IGF1R: variants seen among roughly 807,000 people sequenced by gnomAD.
The protein encoded by IGF1R is insulin-like growth factor 1 receptor.
Under a neutral mutation model 144.6 loss-of-function variants are expected in IGF1R, and 44 were observed. The observed-to-expected ratio is 0.30, with a 90% CI of 0.24 to 0.39. The LOEUF (loss-of-function observed/expected upper bound fraction) is 0.39. Among genes scored for constraint, IGF1R ranks in the 10% least tolerant of loss-of-function variants. IGF1R has a pLI of 1.00. For missense variants in IGF1R, 1,355 were observed against 1,833.7 expected (o/e 0.74, Z 4.77); for synonymous variants, 795 against 722.8 (o/e 1.10, Z -1.60).
At chr15:98,878,694 A>C (rs1298794892) in intron 2 of IGF1R, among the ~76,000 whole-genome samples, 4 of 116,936 alleles carry the variant, frequency 3.4e-5, no homozygotes, top group African/African-American at 1.1e-4. Flanking sequence ...AAAAAAAAAA[A>C]ACAACAACAA....
rs946271839 is a variant in IGF1R, at chr15:98,913,274, A to G, written c.1820A>G (p.Asn607Ser). The G allele has an allele frequency of 1.2e-5, 20 of 1,613,072 alleles. No individual in the cohort carries two copies. Among genetic ancestry groups the G allele is most frequent in the East Asian group, 4.5e-5 (2 of 44,886 alleles). ...AKSEILYIRT[N>S]ASVPSIPLDV... Reference sequence around the variant, plus strand: ...AGTGAGATCTTGTACATTCGCACCAATGCTTCAGGTATCCATGCCTAGACA... The same window carrying G: ...AGTGAGATCTTGTACATTCGCACCAGTGCTTCAGGTATCCATGCCTAGACA... The change falls in exon 8 of 21, where the codon AAT (asparagine) becomes AGT (serine). Residue 607 changes from asparagine (N) to serine (S), a missense_variant. By Grantham distance (46) the Asn-to-Ser change is conservative. Around this residue, in one of 7 missense-constraint regions of IGF1R, gnomAD observed 880 missense variants for 1,202.7 expected, o/e 0.73. Coordinates refer to ENST00000650285, the MANE Select transcript of IGF1R (RefSeq NM_000875.5).
chr15:98,751,952 C>G (rs565821931), intron 2 of IGF1R, among the ~76,000 whole-genome samples: 13 of 152,178 alleles, frequency 8.5e-5, no homozygotes, highest in Non-Finnish European at 1.2e-4. Context: ...ATAATACAGA[C>G]TCTTCACTGT....
chr15:98,749,783 G>A (rs1476549029), intron 2 of IGF1R, among the ~76,000 whole-genome samples: 3 of 152,162 alleles, frequency 2.0e-5, no homozygotes, highest in Non-Finnish European at 4.4e-5. Context: ...TGACAGCATG[G>A]TGGGACACTT....
At chr15:98,883,127 A>G (rs2013462462) in intron 2 of IGF1R, among the ~76,000 whole-genome samples, 1 of 152,204 alleles carries the variant, frequency 6.6e-6, no homozygotes, top group African/African-American at 2.4e-5. Flanking sequence ...TCTTTTTGGC[A>G]TTGAGAAATG....
intron 1 of IGF1R, among the ~76,000 whole-genome samples, chr15:98,686,936 C>G (rs1349831309): frequency 2.0e-5 from 3 of 152,110 alleles, no homozygotes; most frequent in African/African-American, 7.2e-5. Context: ...TCCCAAAGTG[C>G]TGGGATTATA....
intron 14 of IGF1R, 105 bp downstream of exon 14, chr15:98,929,765 G>C (rs753014671): frequency 1.2e-6 from 1 of 835,574 alleles, no homozygotes; most frequent in Non-Finnish European, 2.1e-6. Context: ...ATATTTTATG[G>C]ACTGGAAAAC....
chr15:98,650,260 C>T (rs1432284342), intron 1 of IGF1R, among the ~76,000 whole-genome samples: 2 of 152,222 alleles, frequency 1.3e-5, no homozygotes, highest in African/African-American at 4.8e-5. Flanking sequence ...CCGTCGCTGC[C>T]TCCCGTCGCC....
At chr15:98,698,026 C>T (rs1339070554) in intron 1 of IGF1R, among the ~76,000 whole-genome samples, 4 of 144,384 alleles carry the variant, frequency 2.8e-5, no homozygotes, top group African/African-American at 1.0e-4. Flanking sequence ...TGAGCCGCCG[C>T]GCCTGGCCTT....
At chr15:98,828,251 G>A (rs748149730) in intron 2 of IGF1R, among the ~76,000 whole-genome samples, 5 of 152,122 alleles carry the variant, frequency 3.3e-5, no homozygotes, top group East Asian at 1.9e-4. Flanking sequence ...CAGTCAGACC[G>A]TCAGCTTCAG....
Position 98,859,742 on chromosome 15 carries a change from AGTTAT to A in IGF1R, c.641-31582_641-31578del, listed in dbSNP as rs2012041950. Among the ~76,000 whole-genome samples the A allele has an allele frequency of 4.6e-5, 7 of 152,354 alleles. No homozygotes were observed. The South Asian group carries it at 1.4e-3, about 32-fold the overall frequency. ...CATGATTAACTGTATAGATTGATTT[AGTTAT>A]AAGATGTCCTAGCCTAAATATAAGA... On this transcript the variant is annotated intron_variant, in intron 2 of 20. Coordinates refer to ENST00000650285, the MANE Select transcript of IGF1R (RefSeq NM_000875.5).
At chr15:98,793,865 G>T in intron 2 of IGF1R, among the ~76,000 whole-genome samples, 1 of 152,130 alleles carries the variant, frequency 6.6e-6, no homozygotes, top group East Asian at 1.9e-4. Context: ...CTTAAAGGTG[G>T]GGTATTCTGA....
intron 2 of IGF1R, among the ~76,000 whole-genome samples, chr15:98,742,091 A>G (rs998929801): frequency 8.5e-5 from 13 of 152,184 alleles, no homozygotes; most frequent in African/African-American, 9.6e-5. Context: ...AGCCAAGGCT[A>G]TTAGTGTTTT....
rs371804379 is a variant in IGF1R at position 98,923,728 on chromosome 15, C to T, written c.2486-148C>T. On this transcript the variant is annotated intron_variant, in intron 11 of 20. Transcript: ENST00000650285. ...TGGCTGATCTCCACTGTCCTGCCCG[C>T]GTGGATGGGGGCGTTATTCTCAGTG... The T allele has an allele frequency of 1.2e-4, 82 of 692,990 alleles. No individual in the cohort carries two copies. The East Asian group carries it at 1.8e-3, about 15-fold the overall frequency. 42.9% of individuals were successfully genotyped at this position (692,990 alleles called of 1,614,324 possible).
chr15:98,684,960 T>G (rs1464080512), intron 1 of IGF1R, among the ~76,000 whole-genome samples: 2 of 144,740 alleles, frequency 1.4e-5, no homozygotes, highest in Non-Finnish European at 3.0e-5. Context: ...TTTAAATTTT[T>G]GAGATAGTGT....
chr15:98,896,096 A>G (rs1387624896), intron 3 of IGF1R, among the ~76,000 whole-genome samples: 1 of 152,218 alleles, frequency 6.6e-6, no homozygotes, highest in African/African-American at 2.4e-5. Flanking sequence ...TTACAAAGTA[A>G]TGGAAACCCC....
chr15:98,920,301 C>G (rs7182342), intron 10 of IGF1R, among the ~76,000 whole-genome samples: 25,761 of 152,152 alleles, frequency 0.17, 2,368 homozygotes, highest in East Asian at 0.32. Context: ...TGTCACCTCC[C>G]TCCCCTTGTC....
At chr15:98,715,573 A>G (rs532555733) in intron 2 of IGF1R, among the ~76,000 whole-genome samples, 3 of 152,280 alleles carry the variant, frequency 2.0e-5, no homozygotes, top group African/African-American at 7.2e-5. Flanking sequence ...CCAGTGTGAC[A>G]TTCTCGGCAG....
rs2017259315 is a variant in IGF1R at position 98,962,352 on chromosome 15, G to A, written c.*4910G>A. The A allele has an allele frequency of 8.6e-6, 2 of 233,630 alleles. No homozygotes were observed. The highest frequency in any genetic ancestry group is 8.5e-6 in the Non-Finnish European group (1 of 118,120). The allele number at this position is 233,630 out of a possible 1,614,324, so 14.5% of individuals were successfully genotyped here. The stretch of plus-strand genomic sequence containing the variant: ...TTAATGTTCCTCTGTGTTGTCAGCT[G>A]TCTTCATTTCCTGGGCTAAGCAGCA... On this transcript the variant is annotated 3_prime_UTR_variant, in exon 21 of 21. Transcript: ENST00000650285.
chr15:98,806,501 CAAAA>C (rs1181483415), intron 2 of IGF1R, among the ~76,000 whole-genome samples: 2 of 150,100 alleles, frequency 1.3e-5, no homozygotes, highest in Non-Finnish European at 3.0e-5. Flanking sequence ...AAAAAAAAAA[CAAAA>C]AACTGTTGAA....
Sources: gnomAD v4.1 joint callset for allele counts (sites outside exome capture counted in the v4.1 genomes callset) on GRCh38, gnomAD v4.1.1 for gene constraint, gnomAD v4.1.1 regional missense constraint, MANE v1.5 for transcripts, NCBI Gene and HGNC (gene_info 2026-07-23, HGNC 2026-07-21) for gene names.